VWA8: variants seen among roughly 807,000 people sequenced by gnomAD.
The protein encoded by VWA8 is von Willebrand factor A domain-containing protein 8.
A neutral mutation model predicts 241.5 loss-of-function variants in VWA8; 221 were observed. The observed-to-expected ratio is 0.91, with a 90% CI of 0.82 to 1.02. The LOEUF (loss-of-function observed/expected upper bound fraction) is 1.02. Ranked by LOEUF, VWA8 falls within the 50% of genes least tolerant of loss-of-function variation. VWA8 has a pLI of 0.00. For missense variants in VWA8, 2,322 were observed against 2,328.7 expected (o/e 1.00, Z 0.06); for synonymous variants, 852 against 827.1 (o/e 1.03, Z -0.52).
chr13:41,795,685 A>C (rs1459919974), intron 17 of VWA8, among the ~76,000 whole-genome samples: 1 of 152,348 alleles, frequency 6.6e-6, no homozygotes, highest in East Asian at 1.9e-4. Context: ...TCCACAAAAT[A>C]ACACAGGAAC....
Position 41,961,053 on chromosome 13 carries a change from G to T in VWA8, c.-38C>A. ...GCTGTCGGGGACGGCGAGGGGGCTC[G>T]GGGATCGAGCGGCGTCCCGTGCAGG... On this transcript the variant is annotated 5_prime_UTR_variant, in exon 1 of 45. Coordinates refer to ENST00000379310, the MANE Select transcript of VWA8 (RefSeq NM_015058.2). 7.4e-7 allele frequency: 1 copy of T among 1,355,500 alleles called. No individual in the cohort carries two copies. The highest frequency in any genetic ancestry group is 1.8e-5 in the South Asian group (1 of 56,960). The allele number at this position is 1,355,500 out of a possible 1,614,324, so 84.0% of individuals were successfully genotyped here. A position where few individuals can be genotyped will look rare whatever the true frequency, so the allele number is the denominator to read the frequency against.
At chr13:41,590,137 A>G (rs2044444759) in intron 41 of VWA8, among the ~76,000 whole-genome samples, 1 of 152,056 alleles carries the variant, frequency 6.6e-6, no homozygotes, top group Non-Finnish European at 1.5e-5. Flanking sequence ...GCACTGGTGG[A>G]GGTCAGGGGG....
chr13:41,868,908 GAAAAA>G (rs1299121357), intron 9 of VWA8, among the ~76,000 whole-genome samples: 12 of 121,868 alleles, frequency 9.8e-5, no homozygotes. Context: ...AAAAAAAAAG[GAAAAA>G]AAAAAAGTAG....
intron 2 of VWA8, chr13:41,926,432 A>T (rs1876841134): frequency 1.9e-6 from 1 of 528,730 alleles, no homozygotes. Flanking sequence ...AGCTGTGGCC[A>T]AGCTTTTCAT....
At chr13:41,939,261 T>C (rs1308197544) in intron 2 of VWA8, among the ~76,000 whole-genome samples, 1 of 152,166 alleles carries the variant, frequency 6.6e-6, no homozygotes, top group Non-Finnish European at 1.5e-5. Flanking sequence ...CTGGAAGAAA[T>C]ACCATTTTTG....
At chr13:41,851,021 G>A (rs150803308) in intron 12 of VWA8, among the ~76,000 whole-genome samples, 255 of 152,264 alleles carry the variant, frequency 1.7e-3, no homozygotes, top group Non-Finnish European at 3.1e-3. Flanking sequence ...ATTTTTTGTG[G>A]TAAGAACATT....
intron 21 of VWA8, among the ~76,000 whole-genome samples, chr13:41,758,877 G>A (rs1397701336): frequency 6.6e-6 from 1 of 151,368 alleles, no homozygotes; most frequent in Non-Finnish European, 1.5e-5. Flanking sequence ...ATCAGGAATG[G>A]ATATTGAATT....
At chr13:41,875,513 G>C (rs926759737) in intron 9 of VWA8, among the ~76,000 whole-genome samples, 1 of 151,846 alleles carries the variant, frequency 6.6e-6, no homozygotes, top group Non-Finnish European at 1.5e-5. Flanking sequence ...TAATCACTGG[G>C]GGTTCAGCTT....
At chr13:41,761,884 GTT>G (rs34524020) in intron 20 of VWA8, among the ~76,000 whole-genome samples, 16,044 of 151,980 alleles carry the variant, frequency 0.11, 1,251 homozygotes, top group East Asian at 0.29. Context: ...CTATTTCAAA[GTT>G]TTCACTTAGA....
chr13:41,644,244 T>C (rs978402782), intron 37 of VWA8, among the ~76,000 whole-genome samples: 3 of 151,590 alleles, frequency 2.0e-5, no homozygotes, highest in Non-Finnish European at 4.4e-5. Flanking sequence ...CTAATCTACC[T>C]GTGAGACCTA....
Position 41,701,372 on chromosome 13 carries a change from A to G in VWA8, c.3364+20T>C. On this transcript the variant is annotated intron_variant, in intron 28 of 44. Transcript: ENST00000379310. ...AAAACATGTGCAGGAAGGAAAGATC[A>G]AAAGAATAAGCAGACATACCATGTG... The G allele has an allele frequency of 3.2e-6, 5 of 1,554,422 alleles. No individual in the cohort carries two copies. The highest frequency in any genetic ancestry group is 4.3e-6 in the Non-Finnish European group (5 of 1,155,208).
intron 17 of VWA8, among the ~76,000 whole-genome samples, chr13:41,791,614 T>C (rs1321457034): frequency 1.3e-5 from 2 of 151,926 alleles, no homozygotes; most frequent in Non-Finnish European, 3.0e-5. Flanking sequence ...TTGTACTGTT[T>C]ATCACATTTA....
At chr13:41,761,774 G>C (rs1279482698) in intron 20 of VWA8, among the ~76,000 whole-genome samples, 1 of 151,994 alleles carries the variant, frequency 6.6e-6, no homozygotes, top group East Asian at 1.9e-4. Context: ...GCTCTTCCTA[G>C]AAATGCCCTC....
At chr13:41,573,482 A>ATAT (rs1391223657) in intron 43 of VWA8, among the ~76,000 whole-genome samples, 3 of 114,630 alleles carry the variant, frequency 2.6e-5, no homozygotes, top group African/African-American at 1.2e-4. Context: ...TTTAAAAAAA[A>ATAT]AAAAATATAT....
At position 41,882,768 on chromosome 13, in the gene VWA8, C is replaced by T. The variant is rs556390525; in HGVS notation, c.1080+619G>A. Among the ~76,000 whole-genome samples the T allele has an allele frequency of 5.1e-5, 7 of 136,714 alleles. 1 individual carries two copies. The highest frequency in any genetic ancestry group is 3.8e-3 in the Middle Eastern group (1 of 262). 89.7% of individuals were successfully genotyped at this position (136,714 alleles called of 152,430 possible). A position where few individuals can be genotyped will look rare whatever the true frequency, so the allele number is the denominator to read the frequency against. On this transcript the variant is annotated intron_variant, in intron 9 of 44. Transcript: ENST00000379310. Reference sequence around the variant, plus strand: ...AGATGGCAGCAGTACAGTCCAGCTTCGGCTGGGCATCAGAGGGAGACCGTG... The same window carrying T: ...AGATGGCAGCAGTACAGTCCAGCTTTGGCTGGGCATCAGAGGGAGACCGTG...
intron 44 of VWA8, among the ~76,000 whole-genome samples, chr13:41,569,038 TA>T (rs2044282399): frequency 6.6e-6 from 1 of 152,262 alleles, no homozygotes; most frequent in Non-Finnish European, 1.5e-5. Flanking sequence ...AACAAAACTG[TA>T]AGACACAGTT....
rs1339925734 is a variant in VWA8, at chr13:41,636,464, C to A, written c.4612-21380G>T. 2.0e-5 allele frequency among the ~76,000 whole-genome samples: 3 copies of A among 152,006 alleles called. No individual in the cohort carries two copies. The East Asian group carries it at 5.8e-4, about 29-fold the overall frequency. On this transcript the variant is annotated intron_variant, in intron 37 of 44. Coordinates refer to ENST00000379310, the MANE Select transcript of VWA8 (RefSeq NM_015058.2). Reference sequence around the variant, plus strand: ...AAGACTTAAATGTTAGACCTAAAACCATAAAAACCCTAGAAGAAAACCTAG... The same window carrying A: ...AAGACTTAAATGTTAGACCTAAAACAATAAAAACCCTAGAAGAAAACCTAG...
At chr13:41,771,756 A>AT (rs1435952239) in intron 20 of VWA8, among the ~76,000 whole-genome samples, 1 of 148,314 alleles carries the variant, frequency 6.7e-6, no homozygotes. Context: ...TTTTTTTTGT[A>AT]TTTTTTGTGG....
intron 37 of VWA8, among the ~76,000 whole-genome samples, chr13:41,641,813 A>C (rs1271407219): frequency 1.3e-5 from 2 of 151,942 alleles, no homozygotes; most frequent in South Asian, 4.2e-4. Context: ...GAAAAAAAAA[A>C]CAGTATGTGG....
Sources: gnomAD v4.1 joint callset for allele counts (sites outside exome capture counted in the v4.1 genomes callset) on GRCh38, gnomAD v4.1.1 for gene constraint, MANE v1.5 for transcripts, NCBI Gene and HGNC (gene_info 2026-07-23, HGNC 2026-07-21) for gene names.